The following GLIS1 variants were observed in gnomAD, a reference collection of about 807,000 sequenced individuals.
The protein encoded by GLIS1 is zinc finger protein GLIS1.
A neutral mutation model predicts 63.8 loss-of-function variants in GLIS1; 24 were observed. The observed-to-expected ratio is 0.38, with a 90% CI of 0.27 to 0.53. The LOEUF is 0.53. Ranked by LOEUF, GLIS1 falls within the 20% of genes least tolerant of loss-of-function variation. The probability of loss-of-function intolerance (pLI) is 0.85; values close to 1 mark genes in which losing one functional copy is unlikely to be tolerated. For missense variants in GLIS1, 1,036 were observed against 1,074.1 expected, an observed-to-expected ratio of 0.96 and a Z score of 0.50; for synonymous variants, 450 against 482.5, an observed-to-expected ratio of 0.93 and a Z score of 0.88.
At position 53,582,958 on chromosome 1, in the gene GLIS1, G is replaced by C. The variant is rs376806039; in HGVS notation, c.1320+11150C>G. Among the ~76,000 whole-genome samples, 7 of 152,286 alleles carry C rather than the reference G, an allele frequency of 4.6e-5. No homozygotes were observed. The South Asian group carries it at 1.2e-3, about 27-fold the overall frequency. On this transcript the variant is annotated intron_variant, in intron 4 of 10. Transcript: ENST00000628545. ...AGTATCTGAAGCACTCATTTTTTCT[G>C]CCTGTGGCCAGACTCTCTTAAGCTC...
At chr1:53,697,719 T>C (rs1646480741) in intron 2 of GLIS1, among the ~76,000 whole-genome samples, 1 of 152,190 alleles carries the variant, frequency 6.6e-6, no homozygotes, top group Non-Finnish European at 1.5e-5. Flanking sequence ...GCGGACACTG[T>C]CCTAAACACT....
intron 2 of GLIS1, among the ~76,000 whole-genome samples, chr1:53,709,443 CTT>C (rs1646623113): frequency 5.2e-5 from 4 of 77,314 alleles, no homozygotes; most frequent in East Asian, 3.9e-4. Context: ...CACACACACA[CTT>C]GTTGATGGTG....
At chr1:53,680,496 C>T (rs757576020) in intron 2 of GLIS1, among the ~76,000 whole-genome samples, 1 of 152,222 alleles carries the variant, frequency 6.6e-6, no homozygotes, top group African/African-American at 2.4e-5. Flanking sequence ...CTCTGAGCCT[C>T]TTCCTCCTCT....
chr1:53,729,169 G>C (rs1317242298), intron 2 of GLIS1, among the ~76,000 whole-genome samples: 1 of 152,192 alleles, frequency 6.6e-6, no homozygotes, highest in Non-Finnish European at 1.5e-5. Context: ...CTGCTGTCAG[G>C]GATGGGAAGT....
intron 2 of GLIS1, among the ~76,000 whole-genome samples, chr1:53,729,158 C>T (rs1172178893): frequency 6.6e-6 from 1 of 152,136 alleles, no homozygotes. Context: ...TTTGGATACC[C>T]CTGCTGTCAG....
At chr1:53,586,015 C>T (rs1259010211) in intron 4 of GLIS1, among the ~76,000 whole-genome samples, 1 of 152,158 alleles carries the variant, frequency 6.6e-6, no homozygotes, top group Non-Finnish European at 1.5e-5. Flanking sequence ...CATCTATCTC[C>T]AGTCCCTCTT....
Position 53,594,157 on chromosome 1 carries a change from A to AGCTTGTAGCGGGCGTTGAAGG in GLIS1, c.1250_1270dup (p.Pro417_Lys423dup). ...CGAGTGCACTCGCATGTGGATGAGC[A>AGCTTGTAGCGGGCGTTGAAGG]GCTTGTAGCGGGCGTTGAAGGGCTT... On this transcript the variant is annotated inframe_insertion, in exon 4 of 11. Transcript: ENST00000628545. The AGCTTGTAGCGGGCGTTGAAGG allele has an allele frequency of 1.2e-6, 2 of 1,613,688 alleles. No individual in the cohort carries two copies. The highest frequency in any genetic ancestry group is 1.7e-6 in the Non-Finnish European group (2 of 1,179,684).
intron 2 of GLIS1, among the ~76,000 whole-genome samples, chr1:53,666,188 T>A (rs1349323285): frequency 6.6e-6 from 1 of 152,190 alleles, no homozygotes; most frequent in Non-Finnish European, 1.5e-5. Context: ...CTGCTGAACA[T>A]ACAGTCACCT....
At chr1:53,581,885 G>T (rs1645089223) in intron 4 of GLIS1, among the ~76,000 whole-genome samples, 1 of 152,052 alleles carries the variant, frequency 6.6e-6, no homozygotes, top group East Asian at 1.9e-4. Context: ...CCTAGGGTGT[G>T]CCAGGAATGC....
chr1:53,583,892 T>C (rs967027926), intron 4 of GLIS1, among the ~76,000 whole-genome samples: 2 of 152,208 alleles, frequency 1.3e-5, no homozygotes, highest in African/African-American at 4.8e-5. Flanking sequence ...GCTTTTCCCA[T>C]TTCCCACTGG....
At chr1:53,599,419 G>C (rs973630572) in intron 3 of GLIS1, among the ~76,000 whole-genome samples, 1 of 152,170 alleles carries the variant, frequency 6.6e-6, no homozygotes, top group African/African-American at 2.4e-5. Flanking sequence ...GCGCCACCTC[G>C]GGACTCTGCA....
At position 53,520,637 on chromosome 1, in the gene GLIS1, G is replaced by C. The variant is rs1644398218; in HGVS notation, c.1723C>G (p.Pro575Ala). The C allele has an allele frequency of 1.9e-6, 3 of 1,607,178 alleles. No homozygotes were observed. The African/African-American group carries it at 4.0e-5, about 21-fold the overall frequency. ...CCCTGCCTCCCCGCACACGTACCTG[G>C]GAGCAGCTCCTGGCCCAGGCCACAG... ...GGCGLGQELL[P>A]GVYPGSITPH... The change falls in exon 7 of 11, where the codon CCA (proline) becomes GCA (alanine). Residue 575 changes from proline to alanine, a missense_variant. Physicochemically the swap from Pro to Ala is conservative, Grantham distance 27 (BLOSUM62 -1). Transcript: ENST00000628545.
chr1:53,671,681 A>G (rs1646154346), intron 2 of GLIS1, among the ~76,000 whole-genome samples: 2 of 152,270 alleles, frequency 1.3e-5, no homozygotes, highest in African/African-American at 4.8e-5. Flanking sequence ...GGAGAGGCAC[A>G]TGAATTTCAT....
chr1:53,677,004 G>C (rs1309721055), intron 2 of GLIS1, among the ~76,000 whole-genome samples: 1 of 152,126 alleles, frequency 6.6e-6, no homozygotes, highest in African/African-American at 2.4e-5. Context: ...CAGGTCTCTG[G>C]GACTGCATGA....
At chr1:53,682,121 A>G (rs899213330) in intron 2 of GLIS1, among the ~76,000 whole-genome samples, 2 of 152,246 alleles carry the variant, frequency 1.3e-5, no homozygotes, top group Non-Finnish European at 2.9e-5. Flanking sequence ...TTCCAGGCAG[A>G]GTCCGCACCA....
intron 7 of GLIS1, among the ~76,000 whole-genome samples, chr1:53,519,531 G>T (rs1644385184): frequency 6.6e-6 from 1 of 152,244 alleles, no homozygotes; most frequent in African/African-American, 2.4e-5. Context: ...TTCTTTAGGG[G>T]AGTCGGGGGT....
intron 4 of GLIS1, among the ~76,000 whole-genome samples, chr1:53,550,976 A>G (rs542235310): frequency 2.6e-5 from 4 of 151,962 alleles, no homozygotes; most frequent in Admixed American, 1.3e-4. Flanking sequence ...TCAGCCTTCC[A>G]AGTAGCTGGG....
At chr1:53,725,088 G>C (rs1312648014) in intron 2 of GLIS1, among the ~76,000 whole-genome samples, 10 of 152,118 alleles carry the variant, frequency 6.6e-5, no homozygotes, top group Admixed American at 5.2e-4. Context: ...GGGAGGGAGA[G>C]GTATGAAGCT....
chr1:53,586,493 C>T (rs1645136306), intron 4 of GLIS1, among the ~76,000 whole-genome samples: 2 of 152,200 alleles, frequency 1.3e-5, no homozygotes, highest in African/African-American at 4.8e-5. Context: ...TTAGACTTTC[C>T]CTTTTCTCTT....
Sources: gnomAD v4.1 joint callset for allele counts (sites outside exome capture counted in the v4.1 genomes callset) on GRCh38, gnomAD v4.1.1 for gene constraint, MANE v1.5 for transcripts, NCBI Gene and HGNC (gene_info 2026-07-23, HGNC 2026-07-21) for gene names.